The following TTC28 variants were observed in gnomAD, a reference collection of about 807,000 sequenced individuals.
TTC28 encodes the protein tetratricopeptide repeat protein 28.
Under a neutral mutation model 198.0 loss-of-function variants are expected in TTC28, and 61 were observed. That is an observed-to-expected ratio of 0.31 (90% CI 0.25 to 0.38). TTC28 has a LOEUF of 0.38. TTC28 is among the 10% of genes least tolerant of loss of function. The probability of loss-of-function intolerance (pLI) is 1.00; values close to 1 mark genes in which losing one functional copy is unlikely to be tolerated. For missense variants in TTC28, 2,678 were observed against 3,164.0 expected (o/e 0.85, Z 3.69); for synonymous variants, 1,171 against 1,297.8 (o/e 0.90, Z 2.10).
At chr22:28,035,241 C>A (rs1364677729) in intron 12 of TTC28, among the ~76,000 whole-genome samples, 1 of 152,132 alleles carries the variant, frequency 6.6e-6, no homozygotes, top group Non-Finnish European at 1.5e-5. Flanking sequence ...AAAGACCAAC[C>A]AATTGCAACC....
intron 5 of TTC28, among the ~76,000 whole-genome samples, chr22:28,289,605 G>A (rs778163948): frequency 6.6e-6 from 1 of 152,212 alleles, no homozygotes; most frequent in Non-Finnish European, 1.5e-5. Flanking sequence ...GGCTGAGGCA[G>A]GAGGACTGCC....
At chr22:28,615,243 C>T (rs1302631854) in intron 2 of TTC28, among the ~76,000 whole-genome samples, 1 of 152,154 alleles carries the variant, frequency 6.6e-6, no homozygotes. Context: ...ATCAAAACCA[C>T]AATGAGATAC....
At chr22:28,194,466 A>C (rs866168481) in intron 5 of TTC28, among the ~76,000 whole-genome samples, 3 of 152,144 alleles carry the variant, frequency 2.0e-5, no homozygotes, top group South Asian at 2.1e-4. Flanking sequence ...GACATAAAAA[A>C]CCCTTCAAAA....
At chr22:28,086,177 C>T (rs1941588814) in intron 12 of TTC28, among the ~76,000 whole-genome samples, 1 of 152,104 alleles carries the variant, frequency 6.6e-6, no homozygotes, top group Non-Finnish European at 1.5e-5. Flanking sequence ...TAGACATCTA[C>T]AGAACTCTCC....
chr22:28,312,233 C>A (rs2045273725), intron 2 of TTC28, among the ~76,000 whole-genome samples: 1 of 152,086 alleles, frequency 6.6e-6, no homozygotes, highest in African/African-American at 2.4e-5. Context: ...TAGAGACCTA[C>A]AAAGAGACTT....
At chr22:28,001,732 G>T (rs470102) in intron 14 of TTC28, 179 bp from the exon 15 acceptor site, 52,091 of 675,128 alleles carry the variant, frequency 0.077, 2,322 homozygotes, top group South Asian at 0.09. Flanking sequence ...GCACCAACTG[G>T]CATGCTCGCT....
chr22:28,247,423 T>C (rs147398451), intron 5 of TTC28, among the ~76,000 whole-genome samples: 17 of 152,326 alleles, frequency 1.1e-4, no homozygotes, highest in Non-Finnish European at 2.2e-4. Context: ...AGAATCACTA[T>C]TGGCTGCCCC....
chr22:28,269,714 C>A (rs932926251), intron 5 of TTC28, among the ~76,000 whole-genome samples: 1 of 152,124 alleles, frequency 6.6e-6, no homozygotes, highest in African/African-American at 2.4e-5. Context: ...TGAAGAAAGA[C>A]ACTTATGAAA....
intron 2 of TTC28, among the ~76,000 whole-genome samples, chr22:28,417,468 C>T (rs1306960270): frequency 2.0e-5 from 3 of 151,844 alleles, no homozygotes; most frequent in Admixed American, 1.3e-4. Context: ...CAGTGAGACC[C>T]CCATCTCACA....
At chr22:28,133,896 G>A (rs1943125074) in intron 6 of TTC28, among the ~76,000 whole-genome samples, 1 of 152,226 alleles carries the variant, frequency 6.6e-6, no homozygotes, top group Non-Finnish European at 1.5e-5. Flanking sequence ...AGATCTGAGA[G>A]CGGACAGACT....
chr22:28,333,551 T>A (rs1370883179), intron 2 of TTC28, among the ~76,000 whole-genome samples: 1 of 152,126 alleles, frequency 6.6e-6, no homozygotes, highest in African/African-American at 2.4e-5. Flanking sequence ...GAAAATGAAC[T>A]AGGTTATATT....
intron 5 of TTC28, among the ~76,000 whole-genome samples, chr22:28,205,787 T>C (rs1926352672): frequency 6.6e-6 from 1 of 152,096 alleles, no homozygotes; most frequent in East Asian, 1.9e-4. Flanking sequence ...GAATTCCTTT[T>C]ATGAGCCACA....
chr22:28,155,237 G>A (rs1943725683), intron 6 of TTC28, among the ~76,000 whole-genome samples: 1 of 152,124 alleles, frequency 6.6e-6, no homozygotes, highest in South Asian at 2.1e-4. Flanking sequence ...CTAACTAGTT[G>A]CCCCTCTTAG....
intron 2 of TTC28, among the ~76,000 whole-genome samples, chr22:28,341,150 C>G (rs1015876233): frequency 3.3e-5 from 5 of 152,170 alleles, no homozygotes; most frequent in Admixed American, 6.5e-5. Context: ...TCCAAGTTCA[C>G]TTGGTAATTC....
intron 13 of TTC28, among the ~76,000 whole-genome samples, chr22:28,016,088 A>C (rs1235523078): frequency 1.3e-5 from 2 of 152,016 alleles, no homozygotes; most frequent in East Asian, 3.9e-4. Flanking sequence ...AGCTCTCAGC[A>C]CCCTCAGCCC....
At position 28,256,439 on chromosome 22, in the gene TTC28, AT is replaced by A. The variant is rs1395409639; in HGVS notation, c.933+39758del. Among the ~76,000 whole-genome samples, 38 of 151,208 alleles carry A rather than the reference AT, an allele frequency of 2.5e-4. 1 individual carries two copies. The highest frequency in any genetic ancestry group is 9.0e-4 in the African/African-American group (37 of 40,982). ...TCCGTCTCAAAAAAAAAAAAAAAAAATACGAGAGACTTGAACATATGTACAG... is the reference window on the plus strand; with the variant it reads ...TCCGTCTCAAAAAAAAAAAAAAAAAAACGAGAGACTTGAACATATGTACAG... On this transcript the variant is annotated intron_variant, in intron 5 of 22. Transcript: ENST00000397906.
intron 2 of TTC28, among the ~76,000 whole-genome samples, chr22:28,604,268 A>C (rs2050688441): frequency 7.1e-6 from 1 of 140,120 alleles, no homozygotes; most frequent in Non-Finnish European, 1.5e-5. Context: ...ACAGAGCAAG[A>C]CTCAGTCTTA....
intron 5 of TTC28, among the ~76,000 whole-genome samples, chr22:28,234,083 T>A (rs1189507880): frequency 1.3e-5 from 2 of 151,608 alleles, no homozygotes; most frequent in African/African-American, 4.8e-5. Context: ...ATTTTTTGGA[T>A]TTTTTAGTAG....
intron 5 of TTC28, among the ~76,000 whole-genome samples, chr22:28,198,956 C>T (rs1027840523): frequency 6.6e-6 from 1 of 151,860 alleles, no homozygotes; most frequent in African/African-American, 2.4e-5. Flanking sequence ...ACTCATGACT[C>T]CAGAAAAAAA....
Sources: gnomAD v4.1 joint callset for allele counts (sites outside exome capture counted in the v4.1 genomes callset) on GRCh38, gnomAD v4.1.1 for gene constraint, MANE v1.5 for transcripts, NCBI Gene and HGNC (gene_info 2026-07-23, HGNC 2026-07-21) for gene names.